Variants in SPOCK3 observed in about 807,000 individuals in gnomAD.
SPOCK3 encodes testican-3.
In SPOCK3, 30 loss-of-function variants were observed where a neutral mutation model predicts 56.6. The ratio of observed to expected loss-of-function variants is 0.53; its 90% CI spans 0.40 to 0.72. The LOEUF is 0.72. SPOCK3 is among the 30% of genes least tolerant of loss of function. The pLI, the probability that SPOCK3 is intolerant of heterozygous loss-of-function variation, is 0.00. For synonymous variants in SPOCK3, 196 were observed against 183.3 expected, an observed-to-expected ratio of 1.07 and a Z score of -0.56; for missense variants, 527 against 530.0, an observed-to-expected ratio of 0.99 and a Z score of 0.06.
At chr4:166,847,953 T>C (rs1748276868) in intron 6 of SPOCK3, among the ~76,000 whole-genome samples, 1 of 152,034 alleles carries the variant, frequency 6.6e-6, no homozygotes, top group Non-Finnish European at 1.5e-5. Context: ...GAACATTTCA[T>C]GAACCTACTA....
Position 167,234,049 on chromosome 4 carries a change from T to C in SPOCK3, c.125A>G (p.Lys42Arg). The C allele has an allele frequency of 6.2e-7, 1 of 1,613,952 alleles. No homozygotes were observed. Among genetic ancestry groups the C allele is most frequent in the Non-Finnish European group, 8.5e-7 (1 of 1,179,984 alleles). ...RSDGGNFLDD[K>R]QWLTTISQYD... The stretch of plus-strand genomic sequence containing the variant: ...CTGAGAGATTGTGGTGAGCCATTGT[T>C]TATCATCCAGAAAATTACCGCCGTC... Residue 42 changes from lysine (K) to arginine (R), a missense_variant, in exon 2 of 11, where the codon AAA becomes AGA. By Grantham distance (26) the Lys-to-Arg change is conservative (BLOSUM62 2). Transcript: ENST00000357545.
intron 6 of SPOCK3, among the ~76,000 whole-genome samples, chr4:166,853,244 TA>T (rs1560934352): frequency 6.6e-6 from 1 of 152,172 alleles, no homozygotes; most frequent in Non-Finnish European, 1.5e-5. Context: ...GAAGAAGAAC[TA>T]AAACTGGTAA....
intron 5 of SPOCK3, among the ~76,000 whole-genome samples, chr4:166,893,746 A>G (rs770405124): frequency 3.3e-5 from 5 of 152,140 alleles, no homozygotes; most frequent in Non-Finnish European, 7.4e-5. Context: ...GAATGTCATG[A>G]GTCACTTTTT....
chr4:166,837,377 C>G (rs1051640649), intron 6 of SPOCK3, among the ~76,000 whole-genome samples: 1 of 152,110 alleles, frequency 6.6e-6, no homozygotes. Context: ...CCATGTTCCC[C>G]AGGCTACTCT....
chr4:166,996,827 A>G (rs569033394), intron 4 of SPOCK3, among the ~76,000 whole-genome samples: 1 of 152,310 alleles, frequency 6.6e-6, no homozygotes, highest in African/African-American at 2.4e-5. Context: ...TCACCTAATC[A>G]TGTTATTTTT....
chr4:166,866,061 T>C (rs1486650099), intron 6 of SPOCK3, among the ~76,000 whole-genome samples: 1 of 152,142 alleles, frequency 6.6e-6, no homozygotes, highest in Non-Finnish European at 1.5e-5. Context: ...CAAAACAGCA[T>C]GGTACTGGTA....
intron 7 of SPOCK3, among the ~76,000 whole-genome samples, chr4:166,768,073 T>C (rs1323445761): frequency 6.6e-6 from 1 of 152,086 alleles, no homozygotes; most frequent in African/African-American, 2.4e-5. Context: ...ATTTTGAGCC[T>C]ATGTGTGTCT....
At chr4:167,055,470 C>T (rs1561166692) in intron 3 of SPOCK3, among the ~76,000 whole-genome samples, 1 of 152,164 alleles carries the variant, frequency 6.6e-6, no homozygotes, top group Non-Finnish European at 1.5e-5. Context: ...GGGTGCAGCA[C>T]ACCGTGCGCG....
intron 2 of SPOCK3, among the ~76,000 whole-genome samples, chr4:167,125,001 T>C (rs938130601): frequency 1.3e-5 from 2 of 152,156 alleles, no homozygotes; most frequent in African/African-American, 4.8e-5. Flanking sequence ...AATTCTAAAG[T>C]CACTATCTTA....
At chr4:167,049,288 G>T (rs1753987983) in intron 3 of SPOCK3, among the ~76,000 whole-genome samples, 1 of 151,920 alleles carries the variant, frequency 6.6e-6, no homozygotes, top group African/African-American at 2.4e-5. Flanking sequence ...TAAAATATTT[G>T]TAAGTAAAGT....
chr4:167,112,873 A>G (rs565736746), intron 2 of SPOCK3, among the ~76,000 whole-genome samples: 1 of 151,980 alleles, frequency 6.6e-6, no homozygotes, highest in South Asian at 2.1e-4. Flanking sequence ...TATATATTAG[A>G]TGTGTTAAGT....
intron 2 of SPOCK3, among the ~76,000 whole-genome samples, chr4:167,101,116 T>C (rs1174807618): frequency 1.3e-5 from 2 of 152,148 alleles, no homozygotes; most frequent in African/African-American, 4.8e-5. Context: ...CTTTCCCTAA[T>C]GTTCTCTTAA....
chr4:167,092,205 C>T (rs989616505), intron 2 of SPOCK3, among the ~76,000 whole-genome samples: 1 of 152,258 alleles, frequency 6.6e-6, no homozygotes, highest in African/African-American at 2.4e-5. Context: ...GGAACTCCCT[C>T]TCCTAGCCAA....
chr4:166,752,657 C>A (rs1008407994), intron 8 of SPOCK3, among the ~76,000 whole-genome samples: 1 of 150,750 alleles, frequency 6.6e-6, no homozygotes, highest in East Asian at 2.0e-4. Flanking sequence ...GGAAAATATT[C>A]TTTTATAAGC....
At chr4:167,052,155 G>A (rs1754286120) in intron 3 of SPOCK3, among the ~76,000 whole-genome samples, 1 of 152,000 alleles carries the variant, frequency 6.6e-6, no homozygotes, top group South Asian at 2.1e-4. Context: ...AAAGATTTTT[G>A]GTGCTATATT....
rs1456609330 is a variant in SPOCK3 at position 167,162,871 on chromosome 4, T to A, written c.189+71114A>T. ...ACTAAATTAAGTTTAGTATGCAAAATTATAGTGGAAAAATTAAACTTTGGA... is the reference window on the plus strand; with the variant it reads ...ACTAAATTAAGTTTAGTATGCAAAAATATAGTGGAAAAATTAAACTTTGGA... On this transcript the variant is annotated intron_variant, in intron 2 of 10. Transcript: ENST00000357545. Among the ~76,000 whole-genome samples, 7 of 151,950 alleles carry A rather than the reference T, an allele frequency of 4.6e-5. No individual in the cohort carries two copies. The East Asian group carries it at 1.4e-3, about 29-fold the overall frequency.
intron 6 of SPOCK3, among the ~76,000 whole-genome samples, 185 bp from the exon 7 acceptor site, chr4:166,792,474 A>T (rs1286106866): frequency 1.3e-5 from 2 of 152,228 alleles, no homozygotes; most frequent in Non-Finnish European, 2.9e-5. Flanking sequence ...AAAACATTTT[A>T]CTTAATAAAG....
At chr4:167,028,224 A>AT (rs113702569) in intron 3 of SPOCK3, among the ~76,000 whole-genome samples, 40,089 of 147,124 alleles carry the variant, frequency 0.27, 6,141 homozygotes, top group African/African-American at 0.43. Flanking sequence ...CTGTCTTTAC[A>AT]TTTTTTTTTT....
rs79012761 is a variant in SPOCK3, at chr4:166,977,974, T to C, written c.350+22375A>G. Among the ~76,000 whole-genome samples, 196 of 152,298 alleles carry C rather than the reference T, an allele frequency of 1.3e-3. 3 individuals are homozygous for C. In the East Asian group the frequency reaches 0.032, roughly 25 times the overall value. ...CCCAAGTCTAGCCATGATTCAAAGT[T>C]ATTGCTACAAATCTGCTTAAAGTCT... is the stretch of plus-strand genomic sequence containing the variant. On this transcript the variant is annotated intron_variant, in intron 4 of 10. Coordinates refer to ENST00000357545, the MANE Select transcript of SPOCK3 (RefSeq NM_001040159.2).
Sources: gnomAD v4.1 joint callset for allele counts (sites outside exome capture counted in the v4.1 genomes callset) on GRCh38, gnomAD v4.1.1 for gene constraint, MANE v1.5 for transcripts, NCBI Gene and HGNC (gene_info 2026-07-23, HGNC 2026-07-21) for gene names.